The following SIPA1L2 variants were observed in gnomAD, a reference collection of about 807,000 sequenced individuals.
SIPA1L2 encodes signal-induced proliferation-associated 1-like protein 2.
In SIPA1L2, 56 loss-of-function variants were observed where a neutral mutation model predicts 163.9. That is an observed-to-expected ratio of 0.34 (90% CI 0.28 to 0.43). The LOEUF (loss-of-function observed/expected upper bound fraction) is 0.43, where lower values mean the gene tolerates loss of function less well. Ranked by LOEUF, SIPA1L2 falls within the 20% of genes least tolerant of loss-of-function variation. The probability of loss-of-function intolerance (pLI) is 1.00; values close to 1 mark genes in which losing one functional copy is unlikely to be tolerated. For synonymous variants in SIPA1L2, 877 were observed against 865.7 expected, an observed-to-expected ratio of 1.01 and a Z score of -0.23; for missense variants, 1,974 against 2,193.5, an observed-to-expected ratio of 0.90 and a Z score of 2.00.
chr1:232,552,100 A>C (rs1212768315), intron 2 of SIPA1L2, among the ~76,000 whole-genome samples: 3 of 152,200 alleles, frequency 2.0e-5, no homozygotes, highest in Admixed American at 1.3e-4. Flanking sequence ...TCGGCCTCCC[A>C]AAGTGCTGGG....
intron 18 of SIPA1L2, among the ~76,000 whole-genome samples, chr1:232,421,718 T>A (rs1354510362): frequency 6.6e-6 from 1 of 152,154 alleles, no homozygotes; most frequent in African/African-American, 2.4e-5. Context: ...TGAAGCAACA[T>A]GTGCAAGTAT....
intron 2 of SIPA1L2, among the ~76,000 whole-genome samples, chr1:232,521,598 C>T (rs1369872372): frequency 1.3e-5 from 2 of 152,154 alleles, no homozygotes; most frequent in African/African-American, 2.4e-5. Flanking sequence ...GCCTGACACT[C>T]GGTTGACAAT....
chr1:232,467,363 A>G (rs1350347734), intron 8 of SIPA1L2, among the ~76,000 whole-genome samples: 1 of 152,152 alleles, frequency 6.6e-6, no homozygotes, highest in African/African-American at 2.4e-5. Flanking sequence ...AGGTCCTTAA[A>G]AACATCACAG....
chr1:232,432,568 T>C (rs957053491), intron 15 of SIPA1L2, 97 bp from the exon 16 acceptor site: 9 of 1,161,348 alleles, frequency 7.7e-6, no homozygotes, highest in Non-Finnish European at 1.1e-5. Context: ...CTCAAGTCTT[T>C]CTCCGAGAGC....
intron 1 of SIPA1L2, among the ~76,000 whole-genome samples, chr1:232,612,727 G>A (rs1662310917): frequency 6.6e-6 from 1 of 152,164 alleles, no homozygotes; most frequent in Non-Finnish European, 1.5e-5. Flanking sequence ...GAAGGAACTT[G>A]TATTGTCTCA....
At chr1:232,433,747 A>C (rs1662388022) in intron 15 of SIPA1L2, among the ~76,000 whole-genome samples, 1 of 152,212 alleles carries the variant, frequency 6.6e-6, no homozygotes, top group African/African-American at 2.4e-5. Context: ...AATATGAAAA[A>C]TTTTAAGAGT....
intron 3 of SIPA1L2, among the ~76,000 whole-genome samples, chr1:232,501,834 C>T (rs1249723424): frequency 2.0e-5 from 3 of 152,228 alleles, no homozygotes; most frequent in Admixed American, 2.0e-4. Flanking sequence ...CGTGACCACC[C>T]ATGATGGGGG....
chr1:232,448,502 A>T (rs1663348422), intron 10 of SIPA1L2, among the ~76,000 whole-genome samples: 2 of 152,244 alleles, frequency 1.3e-5, no homozygotes, highest in Admixed American at 6.5e-5. Context: ...CTTTTCAGAA[A>T]ATCATCACAA....
chr1:232,581,217 T>A (rs1265062868), intron 1 of SIPA1L2, among the ~76,000 whole-genome samples: 1 of 152,204 alleles, frequency 6.6e-6, no homozygotes, highest in African/African-American at 2.4e-5. Context: ...TGCTGTCCCC[T>A]GAGCTGCTCT....
chr1:232,572,702 T>TATATATATATACACACATATATACATAC (rs1659811828), intron 2 of SIPA1L2, among the ~76,000 whole-genome samples: 7 of 105,268 alleles, frequency 6.6e-5, no homozygotes, highest in African/African-American at 3.1e-4. Flanking sequence ...TACATATATA[T>TATATATATATACACACATATATACATAC]ATATATATAT....
chr1:232,404,049 C>G, intron 20 of SIPA1L2, 76 bp downstream of exon 20: 1 of 1,527,036 alleles, frequency 6.5e-7, no homozygotes, highest in African/African-American at 1.4e-5. Context: ...AATAACCATG[C>G]AGACGTGCAG....
chr1:232,487,992 C>G (rs940411764), intron 5 of SIPA1L2, among the ~76,000 whole-genome samples: 1 of 151,992 alleles, frequency 6.6e-6, no homozygotes, highest in African/African-American at 2.4e-5. Flanking sequence ...CTCACTCTGT[C>G]GCCCAGGCTG....
chr1:232,571,075 G>A (rs1287993504), intron 2 of SIPA1L2, among the ~76,000 whole-genome samples: 1 of 151,646 alleles, frequency 6.6e-6, no homozygotes, highest in Non-Finnish European at 1.5e-5. Context: ...ACTAAGAATT[G>A]GAAAAAATAC....
At chr1:232,626,461 CT>C (rs1663085130) in intron 1 of SIPA1L2, among the ~76,000 whole-genome samples, 1 of 152,088 alleles carries the variant, frequency 6.6e-6, no homozygotes, top group Admixed American at 6.5e-5. Context: ...GAAGCAGAAC[CT>C]CAACAGTGAG....
intron 15 of SIPA1L2, 68 bp downstream of exon 15, chr1:232,439,040 G>C (rs1662731259): frequency 6.7e-7 from 1 of 1,502,918 alleles, no homozygotes; most frequent in African/African-American, 1.4e-5. Flanking sequence ...TCAGGCTTCT[G>C]CCCTATCCCA....
chr1:232,619,070 G>C (rs1243422996), intron 1 of SIPA1L2, among the ~76,000 whole-genome samples: 1 of 152,170 alleles, frequency 6.6e-6, no homozygotes, highest in Admixed American at 6.5e-5. Context: ...CAGGCAAAAA[G>C]ATGAGTTTGT....
At chr1:232,551,813 C>T (rs1658400637) in intron 2 of SIPA1L2, among the ~76,000 whole-genome samples, 1 of 152,228 alleles carries the variant, frequency 6.6e-6, no homozygotes, top group African/African-American at 2.4e-5. Context: ...TTAACTTTTC[C>T]ATGAGAACAA....
chr1:232,431,800 C>G (rs982373460), intron 16 of SIPA1L2, among the ~76,000 whole-genome samples: 7 of 152,028 alleles, frequency 4.6e-5, no homozygotes, highest in African/African-American at 1.4e-4. Flanking sequence ...GCCCACCACG[C>G]CCCCCTCAAC....
chr1:232,521,933 T>A (rs1667476731), intron 2 of SIPA1L2, among the ~76,000 whole-genome samples: 1 of 152,086 alleles, frequency 6.6e-6, no homozygotes, highest in Non-Finnish European at 1.5e-5. Flanking sequence ...AGGAAGATAG[T>A]CTAGGTCCTC....
Sources: gnomAD v4.1 joint callset for allele counts (sites outside exome capture counted in the v4.1 genomes callset) on GRCh38, gnomAD v4.1.1 for gene constraint, MANE v1.5 for transcripts, NCBI Gene and HGNC (gene_info 2026-07-23, HGNC 2026-07-21) for gene names.